Variants in SPOCD1 observed in about 807,000 individuals in gnomAD.
SPOCD1 encodes the protein SPOC domain-containing protein 1.
SPOCD1 carries 64 observed loss-of-function variants against 92.2 expected under a neutral mutation model. That is an observed-to-expected ratio of 0.69 (90% CI 0.57 to 0.86). SPOCD1 has a LOEUF of 0.86. Among genes scored for constraint, SPOCD1 ranks in the 40% least tolerant of loss-of-function variants. SPOCD1 has a pLI of 0.00. For synonymous variants in SPOCD1, 578 were observed against 619.3 expected (o/e 0.93, Z 0.99); for missense variants, 1,360 against 1,543.1 (o/e 0.88, Z 1.99).
chr1:31,801,582 A>T, intron 3 of SPOCD1, 82 bp downstream of exon 3: 1 of 1,307,258 alleles, frequency 7.6e-7, no homozygotes, highest in Non-Finnish European at 1.1e-6. Flanking sequence ...GGATCTCCAC[A>T]TCTACTGTGG....
intron 3 of SPOCD1, 40 bp from the exon 4 acceptor site, chr1:31,800,657 C>T (rs975798886): frequency 9.8e-6 from 15 of 1,525,162 alleles, no homozygotes; most frequent in African/African-American, 1.4e-5. Context: ...GCGGGGCCAG[C>T]CGCTGTCCCC....
At chr1:31,795,218 T>G (rs910812053) in intron 10 of SPOCD1, 9 of 152,192 alleles carry the variant, frequency 5.9e-5, no homozygotes, top group Admixed American at 3.3e-4. Context: ...CATAAAACAA[T>G]CATTGCTTTA....
At chr1:31,808,350 A>C (rs1464485363) in intron 2 of SPOCD1, among the ~76,000 whole-genome samples, 6 of 151,752 alleles carry the variant, frequency 4.0e-5, no homozygotes, top group African/African-American at 1.2e-4. Context: ...AAAAAAAAAA[A>C]CACTAACTCC....
At chr1:31,799,574 G>A (rs1024377821) in intron 6 of SPOCD1, 89 bp from the exon 7 acceptor site, 30 of 1,263,774 alleles carry the variant, frequency 2.4e-5, no homozygotes, top group Non-Finnish European at 3.3e-5. Context: ...AGGCAGACAG[G>A]AGAGGGGTCC....
chr1:31,799,770 T>G, intron 6 of SPOCD1, 39 bp downstream of exon 6: 1 of 1,609,348 alleles, frequency 6.2e-7, no homozygotes, highest in Non-Finnish European at 8.5e-7. Flanking sequence ...ACCCCAGCAG[T>G]CTCTGGAAGC....
In SPOCD1 at chr1:31,814,883, C is replaced by G; in HGVS notation, c.451G>C (p.Glu151Gln). ...ACCTCCTCCACTCCTGCAAGCCTCTCCCTGCAGGCCAGAGCTCTCTCTGGG... is the reference window on the plus strand; with the variant it reads ...ACCTCCTCCACTCCTGCAAGCCTCTGCCTGCAGGCCAGAGCTCTCTCTGGG... ...GLPERALACR[E>Q]RLAGVEEVSC... is the part of the protein sequence containing the mutation. Residue 151 changes from glutamate (E) to glutamine (Q), a missense_variant, in exon 2 of 16, where the codon GAG becomes CAG. Physicochemically the swap from Glu to Gln is conservative, Grantham distance 29. Coordinates refer to ENST00000360482, the MANE Select transcript of SPOCD1 (RefSeq NM_144569.7). The surrounding 1 kb of genome is among the most constrained non-coding windows in gnomAD (Gnocchi z 4.2). 6.2e-7 allele frequency: 1 copy of G among 1,613,722 alleles called. No individual in the cohort carries two copies.
rs1028906955 is a variant in SPOCD1, at chr1:31,792,490, C to A, written c.2776-89G>T. ...GGCTCCCTGAAACCCCTGAGAACCC[C>A]GTGAGAAAGTATGTCTCCATCTTCC... On this transcript the variant is annotated intron_variant, in intron 14 of 15. Coordinates refer to ENST00000360482, the MANE Select transcript of SPOCD1 (RefSeq NM_144569.7). 3.6e-6 allele frequency: 5 copies of A among 1,404,068 alleles called. No homozygotes were observed. In the South Asian group the frequency reaches 6.6e-5, roughly 18 times the overall value. The allele number at this position is 1,404,068 out of a possible 1,614,324, so 87.0% of individuals were successfully genotyped here. A position where few individuals can be genotyped will look rare whatever the true frequency, so the allele number is the denominator to read the frequency against.
chr1:31,793,292 A>C lies in SPOCD1; in HGVS notation c.2671T>G (p.Cys891Gly). The C allele has an allele frequency of 6.3e-7, 1 of 1,594,568 alleles. No homozygotes were observed. Among genetic ancestry groups the C allele is most frequent in the Non-Finnish European group, 8.5e-7 (1 of 1,170,704 alleles). The change falls in exon 13 of 16, where the codon TGT (cysteine) becomes GGT (glycine). Residue 891 changes from cysteine to glycine, a missense_variant. Around this residue, in one of 3 missense-constraint regions of SPOCD1, gnomAD observed 614 missense variants for 757.8 expected, o/e 0.81. Transcript: ENST00000360482. ...ARAQLVSGHSCRLVQALPTVI... is the reference protein window; with the variant it reads ...ARAQLVSGHSGRLVQALPTVI... ...GGCAGGTGCACCTGGACAAGCCGACAGCTGTGTCCCGAGACCAGCTGGGCC... is the reference window on the plus strand; with the variant it reads ...GGCAGGTGCACCTGGACAAGCCGACCGCTGTGTCCCGAGACCAGCTGGGCC...
rs1317413654 is a variant in SPOCD1, at chr1:31,798,502, A to G, written c.1968T>C (p.Asn656=). The G allele has an allele frequency of 5.0e-6, 8 of 1,613,896 alleles. No individual in the cohort carries two copies. Among genetic ancestry groups the G allele is most frequent in the Middle Eastern group, 1.6e-4 (1 of 6,084 alleles). The change falls in exon 8 of 16, where the codon AAT becomes AAC. Residue 656 remains asparagine, a synonymous_variant. Transcript: ENST00000360482. The surrounding 1 kb of genome is among the most constrained non-coding windows in gnomAD (Gnocchi z 4.1). ...AALWDLTQGT[N]GRYKTKYRSL... is the part of the protein sequence containing the mutation. ...TGCGATACTTGGTCTTGTACCGGCCATTGGTGCCTTGTGTCAGGTCCCAGA... is the reference window on the plus strand; with the variant it reads ...TGCGATACTTGGTCTTGTACCGGCCGTTGGTGCCTTGTGTCAGGTCCCAGA...
chr1:31,811,891 A>G (rs1167014657), intron 2 of SPOCD1, among the ~76,000 whole-genome samples: 1 of 152,214 alleles, frequency 6.6e-6, no homozygotes, highest in Admixed American at 6.5e-5. Flanking sequence ...CAAGCCAGGC[A>G]GGAAGCTGGC....
At chr1:31,796,543 C>A (rs1274540241) in intron 10 of SPOCD1, 47 bp downstream of exon 10, 1 of 1,614,136 alleles carries the variant, frequency 6.2e-7, no homozygotes. Context: ...GGCGTGGGAC[C>A]CCCAGGCATG....
intron 2 of SPOCD1, among the ~76,000 whole-genome samples, chr1:31,812,120 CAT>C (rs1197830807): frequency 3.3e-5 from 5 of 152,192 alleles, no homozygotes; most frequent in African/African-American, 9.6e-5. Context: ...AAATGCCAAA[CAT>C]GTGTCATCTC....
intron 15 of SPOCD1, 130 bp from the exon 16 acceptor site, chr1:31,791,421 G>C: frequency 2.8e-6 from 2 of 711,982 alleles, no homozygotes; most frequent in Non-Finnish European, 4.3e-6. Context: ...GGGCTGTCTC[G>C]GAAGATTTGA....
chr1:31,794,501 CTT>C (rs869084604), intron 10 of SPOCD1: 205 of 77,754 alleles, frequency 2.6e-3, no homozygotes, highest in East Asian at 4.4e-3. Flanking sequence ...TTTTTCTTTT[CTT>C]TTTTTTTTTT....
In SPOCD1 at chr1:31,798,400, G is replaced by A. The variant is rs771667382; in HGVS notation, c.2028+42C>T. Reference sequence around the variant, plus strand: ...CCCTAGCATCCTGCAGGGGCTCTGAGATTCAGAGAGGGGACGCAGCCCAGC... The same window carrying A: ...CCCTAGCATCCTGCAGGGGCTCTGAAATTCAGAGAGGGGACGCAGCCCAGC... On this transcript the variant is annotated intron_variant, in intron 8 of 15. Coordinates refer to ENST00000360482, the MANE Select transcript of SPOCD1 (RefSeq NM_144569.7). The surrounding 1 kb of genome is among the most constrained non-coding windows in gnomAD (Gnocchi z 4.1). The A allele has an allele frequency of 1.2e-5, 19 of 1,591,706 alleles. No individual in the cohort carries two copies. The highest frequency in any genetic ancestry group is 1.5e-5 in the Non-Finnish European group (18 of 1,167,206).
intron 5 of SPOCD1, 24 bp downstream of exon 5, chr1:31,799,992 C>T: frequency 6.2e-7 from 1 of 1,611,310 alleles, no homozygotes; most frequent in Non-Finnish European, 8.5e-7. Context: ...GAAGGAGGCA[C>T]ATGGCCGGGG....
At position 31,798,643 on chromosome 1, in the gene SPOCD1, G is replaced by T; in HGVS notation, c.1869-42C>A. 1 of 1,592,080 alleles carries T rather than the reference G, an allele frequency of 6.3e-7. No homozygotes were observed. The highest frequency in any genetic ancestry group is 8.5e-7 in the Non-Finnish European group (1 of 1,170,736). On this transcript the variant is annotated intron_variant, in intron 7 of 15. Transcript: ENST00000360482. This position sits in a 1 kb window ranked among gnomAD's most constrained non-coding sequence, Gnocchi z 4.1. ...AGGGCGGGGGCACTGAGCCCAGGAG[G>T]CTCTCCAGGCACTTAGTCCCAGAGG...
At chr1:31,792,918 G>GC in intron 13 of SPOCD1, 151 bp from the exon 14 acceptor site, 1 of 718,770 alleles carries the variant, frequency 1.4e-6, no homozygotes, top group South Asian at 1.6e-5. Context: ...AGCTCTAATT[G>GC]CCCCATGGAG....
chr1:31,796,639 A>G lies in SPOCD1; in HGVS notation c.2222T>C (p.Val741Ala). The G allele has an allele frequency of 6.2e-7, 1 of 1,614,176 alleles. No homozygotes were observed. Among genetic ancestry groups the G allele is most frequent in the East Asian group, 2.2e-5 (1 of 44,870 alleles). Reference protein sequence around the residue: ...PASKMTHKGEVEIQRDMDQTL... With the variant: ...PASKMTHKGEAEIQRDMDQTL... The stretch of plus-strand genomic sequence containing the variant: ...CTGGTCCATGTCCCGCTGAATCTCC[A>G]CTTCGCCCTTGTGGGTCATTTTGGA... Residue 741 changes from valine to alanine, a missense_variant, in exon 10 of 16, where the codon GTG becomes GCG. By Grantham distance (64) the Val-to-Ala change is moderately conservative. Around this residue, in one of 3 missense-constraint regions of SPOCD1, gnomAD observed 614 missense variants for 757.8 expected, o/e 0.81. Transcript: ENST00000360482.
Sources: allele counts gnomAD v4.1 joint callset (sites outside exome capture counted in the v4.1 genomes callset), GRCh38; gene constraint gnomAD v4.1.1; regional missense constraint gnomAD v4.1.1; non-coding constraint Gnocchi (gnomAD v3.1); transcripts MANE v1.5; gene names NCBI Gene and HGNC (gene_info 2026-07-23, HGNC 2026-07-21).